PDS5B: variants seen among roughly 807,000 people sequenced by gnomAD.
PDS5B encodes PDS5 cohesin associated factor B.
In PDS5B, 51 loss-of-function variants were observed where a neutral mutation model predicts 184.1. The observed-to-expected ratio is 0.28, with a 90% CI of 0.22 to 0.35. PDS5B has a LOEUF of 0.35. Among genes scored for constraint, PDS5B ranks in the 10% least tolerant of loss-of-function variants. The probability of loss-of-function intolerance (pLI) is 1.00; values close to 1 mark genes in which losing one functional copy is unlikely to be tolerated. For missense variants in PDS5B, 1,180 were observed against 1,723.3 expected (o/e 0.68, Z 5.58); for synonymous variants, 566 against 569.2 (o/e 0.99, Z 0.08).
At chr13:32,637,182 G>A (rs1318294925) in intron 1 of PDS5B, among the ~76,000 whole-genome samples, 2 of 152,218 alleles carry the variant, frequency 1.3e-5, no homozygotes, top group Admixed American at 1.3e-4. Context: ...TGAGTTGGAT[G>A]TGGTGTAGAT....
chr13:32,697,560 C>T (rs912993203), intron 15 of PDS5B, among the ~76,000 whole-genome samples: 1 of 152,152 alleles, frequency 6.6e-6, no homozygotes, highest in African/African-American at 2.4e-5. Context: ...AACAGTAAAC[C>T]TAACTCACTG....
intron 3 of PDS5B, among the ~76,000 whole-genome samples, chr13:32,655,374 A>ATTTTTTTTTTTT (rs1228814649): frequency 2.8e-5 from 2 of 72,466 alleles, no homozygotes; most frequent in Non-Finnish European, 4.4e-5. Flanking sequence ...ATATATATAT[A>ATTTTTTTTTTTT]TTTTTTTTTT....
intron 1 of PDS5B, among the ~76,000 whole-genome samples, chr13:32,634,860 C>T (rs2058515139): frequency 6.6e-6 from 1 of 151,988 alleles, no homozygotes; most frequent in South Asian, 2.1e-4. Context: ...GGATTACAGG[C>T]ATGAGCCACC....
intron 15 of PDS5B, 70 bp downstream of exon 15, chr13:32,696,972 C>A: frequency 2.0e-6 from 2 of 979,008 alleles, no homozygotes; most frequent in Non-Finnish European, 1.5e-6. Flanking sequence ...TTAAGTGTTT[C>A]ATGCAGTTTT....
chr13:32,594,759 C>T (rs1458247716), intron 1 of PDS5B, among the ~76,000 whole-genome samples: 1 of 152,072 alleles, frequency 6.6e-6, no homozygotes, highest in Admixed American at 6.6e-5. Context: ...ATTCCTACAC[C>T]TTTTTTTGAT....
intron 7 of PDS5B, among the ~76,000 whole-genome samples, chr13:32,670,626 G>A (rs995527330): frequency 1.3e-5 from 2 of 152,034 alleles, no homozygotes; most frequent in Non-Finnish European, 2.9e-5. Context: ...GGAATATCAA[G>A]AACAAAAAGT....
intron 19 of PDS5B, among the ~76,000 whole-genome samples, chr13:32,730,501 A>G (rs1953072307): frequency 6.6e-6 from 1 of 152,150 alleles, no homozygotes; most frequent in African/African-American, 2.4e-5. Context: ...TGGTGGCTTG[A>G]TGGGAATAGC....
chr13:32,702,851 A>G (rs1951901091), intron 17 of PDS5B, among the ~76,000 whole-genome samples: 1 of 152,208 alleles, frequency 6.6e-6, no homozygotes, highest in Non-Finnish European at 1.5e-5. Context: ...ACTATGGATG[A>G]TTGAGATGAT....
At chr13:32,669,565 A>T (rs1482934651) in intron 7 of PDS5B, among the ~76,000 whole-genome samples, 2 of 152,152 alleles carry the variant, frequency 1.3e-5, no homozygotes, top group Admixed American at 6.5e-5. Context: ...AAATATTTTT[A>T]ACAATCCCAG....
chr13:32,588,982 G>A (rs751528087), intron 1 of PDS5B, among the ~76,000 whole-genome samples: 8 of 152,172 alleles, frequency 5.3e-5, no homozygotes. Context: ...TTTACCTCTT[G>A]GGAAATTTAG....
At chr13:32,655,374 A>ATATATATATATTT in intron 3 of PDS5B, among the ~76,000 whole-genome samples, 1 of 72,466 alleles carries the variant, frequency 1.4e-5, no homozygotes, top group African/African-American at 8.3e-5. Flanking sequence ...ATATATATAT[A>ATATATATATATTT]TTTTTTTTTT....
chr13:32,587,683 AC>A (rs2057711438), intron 1 of PDS5B, among the ~76,000 whole-genome samples: 1 of 152,146 alleles, frequency 6.6e-6, no homozygotes, highest in Non-Finnish European at 1.5e-5. Context: ...GCAGCTACCC[AC>A]CCACTCCACG....
At chr13:32,671,309 A>AT (rs1237596362) in intron 7 of PDS5B, among the ~76,000 whole-genome samples, 4 of 151,996 alleles carry the variant, frequency 2.6e-5, no homozygotes, top group East Asian at 3.9e-4. Context: ...CCAGGGAATG[A>AT]TTTTTTTCCC....
intron 33 of PDS5B, among the ~76,000 whole-genome samples, chr13:32,772,496 CTA>C (rs1266443069): frequency 1.3e-5 from 2 of 152,100 alleles, no homozygotes; most frequent in Non-Finnish European, 2.9e-5. Flanking sequence ...GGCATGAACA[CTA>C]TATTTGAAGT....
intron 1 of PDS5B, among the ~76,000 whole-genome samples, chr13:32,634,016 C>T (rs2058499119): frequency 6.6e-6 from 1 of 152,122 alleles, no homozygotes; most frequent in African/African-American, 2.4e-5. Context: ...TACTTCTCTC[C>T]TGTTTTCTGT....
intron 19 of PDS5B, among the ~76,000 whole-genome samples, chr13:32,714,881 A>G (rs896319752): frequency 2.6e-5 from 4 of 152,222 alleles, no homozygotes; most frequent in Admixed American, 6.5e-5. Flanking sequence ...GGATTAAGAG[A>G]TTAAAGTAAA....
intron 17 of PDS5B, among the ~76,000 whole-genome samples, chr13:32,702,119 T>G (rs1951879427): frequency 6.6e-6 from 1 of 152,154 alleles, no homozygotes; most frequent in Admixed American, 6.6e-5. Flanking sequence ...AGTAGTGTTC[T>G]TTGAGGGGTA....
intron 1 of PDS5B, among the ~76,000 whole-genome samples, chr13:32,628,220 AATC>A (rs769469407): frequency 1.3e-5 from 2 of 152,186 alleles, no homozygotes. Flanking sequence ...CCCAAGCTCA[AATC>A]ATTTCTATAT....
At chr13:32,589,989 GT>G (rs1354503441) in intron 1 of PDS5B, among the ~76,000 whole-genome samples, 1 of 152,140 alleles carries the variant, frequency 6.6e-6, no homozygotes, top group Admixed American at 6.6e-5. Context: ...GACTGTAATT[GT>G]TTTAGCTGGC....
Sources: allele counts gnomAD v4.1 joint callset (sites outside exome capture counted in the v4.1 genomes callset), GRCh38; gene constraint gnomAD v4.1.1; transcripts MANE v1.5; gene names NCBI Gene and HGNC (gene_info 2026-07-23, HGNC 2026-07-21).